UTRN: variants seen among roughly 807,000 people sequenced by gnomAD.
UTRN encodes dystrophin-related protein 1.
In UTRN, 283 loss-of-function variants were observed where a neutral mutation model predicts 463.9. The ratio of observed to expected loss-of-function variants is 0.61; its 90% CI spans 0.55 to 0.67. The LOEUF (loss-of-function observed/expected upper bound fraction) is 0.67. UTRN is among the 30% of genes least tolerant of loss of function. The pLI is 0.00. For synonymous variants in UTRN, 1,442 were observed against 1,431.5 expected (o/e 1.01, Z -0.17); for missense variants, 3,922 against 4,084.3 (o/e 0.96, Z 1.08).
chr6:144,606,256 C>T (rs1804836611), intron 51 of UTRN, among the ~76,000 whole-genome samples: 1 of 152,152 alleles, frequency 6.6e-6, no homozygotes, highest in Non-Finnish European at 1.5e-5. Flanking sequence ...AACTTCAAAT[C>T]ATATGCAGCT....
At chr6:144,712,827 G>A (rs964813288) in intron 53 of UTRN, among the ~76,000 whole-genome samples, 1 of 152,220 alleles carries the variant, frequency 6.6e-6, no homozygotes. Flanking sequence ...TGAGCTGAAA[G>A]ATGCCTTGGA....
chr6:144,580,013 G>A (rs1343839405), intron 51 of UTRN, among the ~76,000 whole-genome samples: 1 of 152,164 alleles, frequency 6.6e-6, no homozygotes, highest in Non-Finnish European at 1.5e-5. Flanking sequence ...AAGATTGTTA[G>A]AGATTTAGTA....
chr6:144,551,668 C>T (rs960034144), intron 48 of UTRN, among the ~76,000 whole-genome samples: 2 of 152,086 alleles, frequency 1.3e-5, no homozygotes, highest in African/African-American at 4.8e-5. Flanking sequence ...TTCTACAAAC[C>T]CTTCTTAGTG....
At chr6:144,377,565 A>AGAGTGAGGC (rs1489756465) in intron 2 of UTRN, among the ~76,000 whole-genome samples, 10 of 152,152 alleles carry the variant, frequency 6.6e-5, no homozygotes, top group African/African-American at 2.4e-4. Context: ...GCAGGTGGCA[A>AGAGTGAGGC]GAGTGAGGCA....
At chr6:144,313,764 C>T (rs1348463849) in intron 2 of UTRN, among the ~76,000 whole-genome samples, 1 of 152,176 alleles carries the variant, frequency 6.6e-6, no homozygotes, top group African/African-American at 2.4e-5. Flanking sequence ...TCTGATTTCT[C>T]TATTTCTGGG....
intron 51 of UTRN, among the ~76,000 whole-genome samples, chr6:144,675,021 T>C (rs1041388238): frequency 1.3e-5 from 2 of 152,244 alleles, no homozygotes; most frequent in Admixed American, 6.5e-5. Flanking sequence ...GAGTGTGTTA[T>C]AGAACATTAT....
chr6:144,432,242 T>G (rs1785926262), intron 9 of UTRN, among the ~76,000 whole-genome samples: 1 of 152,236 alleles, frequency 6.6e-6, no homozygotes, highest in African/African-American at 2.4e-5. Context: ...TTCCCCTCTG[T>G]TAAATGCTTC....
chr6:144,380,565 C>G (rs1780822314), intron 2 of UTRN, among the ~76,000 whole-genome samples: 1 of 152,156 alleles, frequency 6.6e-6, no homozygotes, highest in African/African-American at 2.4e-5. Context: ...AATCCCAGCA[C>G]CTTGAGAGGC....
Position 144,426,487 on chromosome 6 carries a change from G to C in UTRN, c.578+28G>C, listed in dbSNP as rs201058575. The C allele has an allele frequency of 3.3e-4, 516 of 1,586,498 alleles. 3 individuals carry two copies. Among genetic ancestry groups the C allele is most frequent in the Non-Finnish European group, 1.2e-4 (134 of 1,164,084 alleles). On this transcript the variant is annotated intron_variant, in intron 7 of 74. Coordinates refer to ENST00000367545, the MANE Select transcript of UTRN (RefSeq NM_007124.3). ...GAGACATTACTCTATCTAGAAGTGG[G>C]CTTTACAAATTCATGTCTCCTCTCT... is the stretch of plus-strand genomic sequence containing the variant.
chr6:144,544,918 C>A (rs532277677), intron 46 of UTRN, among the ~76,000 whole-genome samples: 9 of 152,162 alleles, frequency 5.9e-5, no homozygotes, highest in Middle Eastern at 3.4e-3. Context: ...TATTGCCATA[C>A]CTTTTGAAGC....
intron 53 of UTRN, among the ~76,000 whole-genome samples, chr6:144,704,957 T>C (rs1027923639): frequency 6.6e-6 from 1 of 152,140 alleles, no homozygotes; most frequent in African/African-American, 2.4e-5. Context: ...TGAGACTCCA[T>C]CTCAAAAACA....
At chr6:144,712,525 A>G (rs1418494990) in intron 53 of UTRN, among the ~76,000 whole-genome samples, 1 of 152,216 alleles carries the variant, frequency 6.6e-6, no homozygotes, top group Non-Finnish European at 1.5e-5. Flanking sequence ...TAGCCCAGAG[A>G]TAATTTATTT....
intron 51 of UTRN, among the ~76,000 whole-genome samples, chr6:144,665,667 C>T (rs1209160898): frequency 6.6e-6 from 1 of 152,176 alleles, no homozygotes; most frequent in Non-Finnish European, 1.5e-5. Context: ...GTGTTGTTTA[C>T]AGAAAGACTA....
intron 5 of UTRN, 33 bp from the exon 6 acceptor site, chr6:144,423,953 T>G: frequency 6.3e-7 from 1 of 1,598,776 alleles, no homozygotes; most frequent in Non-Finnish European, 8.5e-7. Context: ...CTTAAAAGCG[T>G]TTTTGTTTTT....
intron 57 of UTRN, among the ~76,000 whole-genome samples, chr6:144,756,096 A>T (rs1791959767): frequency 6.6e-6 from 1 of 152,120 alleles, no homozygotes; most frequent in African/African-American, 2.4e-5. Flanking sequence ...GCCAGGACAC[A>T]TTTTTAAAGT....
In UTRN at chr6:144,436,030, G is replaced by A. The variant is rs114003298; in HGVS notation, c.951G>A (p.Ala317=). 3.2e-4 allele frequency: 515 copies of A among 1,614,234 alleles called. 1 individual carries two copies. The African/African-American group carries it at 4.6e-3, about 14-fold the overall frequency. ...VDMDLDSYQI[A]LEEVLTWLLS... is the part of the protein sequence containing the mutation. ...TGGATCTGGACAGCTATCAGATTGC[G>A]TTGGAGGAAGTGCTGACCTGGTTGC... The change falls in exon 10 of 75, where the codon GCG becomes GCA. Residue 317 remains alanine, a synonymous_variant. Coordinates refer to ENST00000367545, the MANE Select transcript of UTRN (RefSeq NM_007124.3).
At chr6:144,552,799 T>C (rs755117689) in intron 48 of UTRN, among the ~76,000 whole-genome samples, 3 of 152,238 alleles carry the variant, frequency 2.0e-5, no homozygotes, top group Non-Finnish European at 4.4e-5. Context: ...CTTGATGTCT[T>C]TGGTTTCATT....
intron 2 of UTRN, among the ~76,000 whole-genome samples, chr6:144,389,877 G>A (rs1781760396): frequency 6.6e-6 from 1 of 152,176 alleles, no homozygotes; most frequent in African/African-American, 2.4e-5. Context: ...GGGATTACAG[G>A]TGTGAGCCAC....
At chr6:144,827,832 A>G (rs1780324895) in intron 68 of UTRN, among the ~76,000 whole-genome samples, 156 bp downstream of exon 68, 1 of 152,156 alleles carries the variant, frequency 6.6e-6, no homozygotes, top group Non-Finnish European at 1.5e-5. Context: ...TCATATTTTC[A>G]TGACACAGTT....
Sources: gnomAD v4.1 joint callset for allele counts (sites outside exome capture counted in the v4.1 genomes callset) on GRCh38, gnomAD v4.1.1 for gene constraint, MANE v1.5 for transcripts, NCBI Gene and HGNC (gene_info 2026-07-23, HGNC 2026-07-21) for gene names.